The following PPP4R1 variants were observed in gnomAD, a reference collection of about 807,000 sequenced individuals.
The protein encoded by PPP4R1 is protein phosphatase 4 regulatory subunit 1.
PPP4R1 carries 42 observed loss-of-function variants against 111.2 expected under a neutral mutation model. That is an observed-to-expected ratio of 0.38 (90% CI 0.29 to 0.49). The LOEUF (loss-of-function observed/expected upper bound fraction) is 0.49, where lower values mean the gene tolerates loss of function less well. Ranked by LOEUF, PPP4R1 falls within the 20% of genes least tolerant of loss-of-function variation. The pLI is 0.97. For synonymous variants in PPP4R1, 409 were observed against 405.5 expected, an observed-to-expected ratio of 1.01 and a Z score of -0.10; for missense variants, 1,012 against 1,161.6, an observed-to-expected ratio of 0.87 and a Z score of 1.87.
intron 2 of PPP4R1, among the ~76,000 whole-genome samples, chr18:9,597,983 T>C (rs923473263): frequency 1.3e-5 from 2 of 151,820 alleles, no homozygotes; most frequent in Non-Finnish European, 2.9e-5. Flanking sequence ...AGAACAGAGA[T>C]GGAAGATGAT....
At chr18:9,610,613 C>G (rs1476805643) in intron 2 of PPP4R1, among the ~76,000 whole-genome samples, 3 of 149,600 alleles carry the variant, frequency 2.0e-5, no homozygotes, top group Non-Finnish European at 4.4e-5. Context: ...CAGGTGCACG[C>G]CACCACGCCC....
At chr18:9,573,953 G>C (rs1175649578) in intron 10 of PPP4R1, among the ~76,000 whole-genome samples, 1 of 152,076 alleles carries the variant, frequency 6.6e-6, no homozygotes, top group Non-Finnish European at 1.5e-5. Context: ...TTAAATTGTG[G>C]ACAGAACTAC....
intron 2 of PPP4R1, among the ~76,000 whole-genome samples, chr18:9,610,553 C>T (rs2067560199): frequency 6.6e-6 from 1 of 152,092 alleles, no homozygotes; most frequent in Non-Finnish European, 1.5e-5. Context: ...ACCTCTACCT[C>T]CTGGGTTCAA....
rs1458963199 is a variant in PPP4R1, at chr18:9,570,442, A to G, written c.1288T>C (p.Tyr430His). Residue 430 changes from tyrosine (Y) to histidine (H), a missense_variant, in exon 11 of 20, where the codon TAC becomes CAC. Physicochemically the swap from Tyr to His is moderately conservative, Grantham distance 83. Coordinates refer to ENST00000400556, the MANE Select transcript of PPP4R1 (RefSeq NM_001042388.3). ...SNENDKKPGNYKSMLRPEVGT... is the reference protein window; with the variant it reads ...SNENDKKPGNHKSMLRPEVGT... ...ACCTCTGGTCGTAACATAGATTTGTAGTTACCAGGTTTTTTATCATTCTCA... is the reference window on the plus strand; with the variant it reads ...ACCTCTGGTCGTAACATAGATTTGTGGTTACCAGGTTTTTTATCATTCTCA... The G allele has an allele frequency of 1.5e-5, 24 of 1,614,082 alleles. No individual in the cohort carries two copies. Among genetic ancestry groups the G allele is most frequent in the Non-Finnish European group, 1.9e-5 (22 of 1,180,014 alleles).
chr18:9,562,658 C>T lies in PPP4R1; in HGVS notation c.1747-583G>A, dbSNP rs369843822. On this transcript the variant is annotated intron_variant, in intron 12 of 19. Coordinates refer to ENST00000400556, the MANE Select transcript of PPP4R1 (RefSeq NM_001042388.3). ...TCCAACAGAAATCAAAACAGAAATG[C>T]ACTAAAGCTCTAAGAACCCTCCTGC... Among the ~76,000 whole-genome samples, 20 of 152,270 alleles carry T rather than the reference C, an allele frequency of 1.3e-4. No homozygotes were observed. The East Asian group carries it at 3.1e-3, about 23-fold the overall frequency.
At chr18:9,614,836 G>C (rs1194586539), upstream of PPP4R1, 1 of 149,782 alleles carries the variant, frequency 6.7e-6, no homozygotes, top group African/African-American at 2.4e-5. This position sits in a 1 kb window ranked among gnomAD's most constrained non-coding sequence, Gnocchi z 4.1. Flanking sequence ...CGCTGCGGAC[G>C]GGGGCGCGCA....
rs1247165928 is a variant in PPP4R1, at chr18:9,602,267, C to G, written c.53-7114G>C. Among the ~76,000 whole-genome samples, 3 of 150,292 alleles carry G rather than the reference C, an allele frequency of 2.0e-5. No homozygotes were observed. In the Admixed American group the frequency reaches 2.0e-4, roughly 10 times the overall value. On this transcript the variant is annotated intron_variant, in intron 2 of 19. Transcript: ENST00000400556. ...AAAGTTGTGGCCAGGCGCGGTGGCT[C>G]ACGCCTGTAATCCCAACACTTTGGG...
At chr18:9,571,579 T>C (rs934063289) in intron 10 of PPP4R1, among the ~76,000 whole-genome samples, 1 of 152,092 alleles carries the variant, frequency 6.6e-6, no homozygotes, top group African/African-American at 2.4e-5. Context: ...TAAGCACAGA[T>C]GCAAGCACAC....
intron 11 of PPP4R1, among the ~76,000 whole-genome samples, chr18:9,568,732 A>G (rs1210913205): frequency 2.6e-5 from 4 of 152,308 alleles, no homozygotes; most frequent in Middle Eastern, 3.4e-3. Flanking sequence ...TCATAAAAAT[A>G]TAGTTTAAGA....
intron 12 of PPP4R1, chr18:9,563,087 G>A: frequency 1.8e-6 from 2 of 1,086,060 alleles, no homozygotes; most frequent in Non-Finnish European, 2.2e-6. Context: ...TCTTGATAAA[G>A]GGCTTTGTTT....
At chr18:9,555,785 C>T (rs556649610) in intron 15 of PPP4R1, among the ~76,000 whole-genome samples, 70 of 152,260 alleles carry the variant, frequency 4.6e-4, no homozygotes, top group African/African-American at 1.4e-3. Flanking sequence ...TTAATATGCA[C>T]TTTAAGGGAT....
chr18:9,562,938 C>G (rs937954534), intron 12 of PPP4R1: 3 of 996,232 alleles, frequency 3.0e-6, no homozygotes, highest in Non-Finnish European at 3.6e-6. Flanking sequence ...ACTCCAGAGT[C>G]CAGATAATGT....
At chr18:9,571,907 A>G (rs1265094648) in intron 10 of PPP4R1, among the ~76,000 whole-genome samples, 1 of 152,230 alleles carries the variant, frequency 6.6e-6, no homozygotes, top group Non-Finnish European at 1.5e-5. Context: ...TTGTTTTAGA[A>G]AGACCATTCT....
Position 9,588,804 on chromosome 18 carries a change from C to T in PPP4R1, c.345G>A (p.Leu115=), listed in dbSNP as rs749353939. The change falls in exon 5 of 20, where the codon CTG becomes CTA. Residue 115 remains leucine (L), a synonymous_variant. Transcript: ENST00000400556. ...TTGAAGGCCGGTTTTCTTGACAAAA[C>T]AGTGCGATGTGAGGCACCTGTTCCA... is the stretch of plus-strand genomic sequence containing the variant. ...ELMEQVPHIA[L]FCQENRPSIP... is the part of the protein sequence containing the mutation. The T allele has an allele frequency of 2.0e-5, 33 of 1,614,000 alleles. No individual in the cohort carries two copies. Among genetic ancestry groups the T allele is most frequent in the Admixed American group, 5.0e-5 (3 of 59,990 alleles).
Position 9,546,864 on chromosome 18 carries a change from TATTGGTAGACA to T in PPP4R1, c.*914_*924del. 6.6e-6 allele frequency: 1 copy of T among 152,344 alleles called. No individual in the cohort carries two copies. Among genetic ancestry groups the T allele is most frequent in the East Asian group, 1.9e-4 (1 of 5,188 alleles). The allele number at this position is 152,344 out of a possible 1,614,324, so 9.4% of individuals were successfully genotyped here. A position where few individuals can be genotyped will look rare whatever the true frequency, so the allele number is the denominator to read the frequency against. On this transcript the variant is annotated 3_prime_UTR_variant, in exon 20 of 20. Coordinates refer to ENST00000400556, the MANE Select transcript of PPP4R1 (RefSeq NM_001042388.3). ...ATTAATACAGGTCACAAATTGCATT[TATTGGTAGACA>T]TCTAGAAAACAATCAAAAGTGTATA...
chr18:9,551,056 T>C (rs1046586320), intron 16 of PPP4R1: 1 of 152,268 alleles, frequency 6.6e-6, no homozygotes, highest in African/African-American at 2.4e-5. Flanking sequence ...TGAATATAGA[T>C]TATGCAGCAA....
At chr18:9,574,357 G>C (rs540648292) in intron 10 of PPP4R1, among the ~76,000 whole-genome samples, 40 of 152,284 alleles carry the variant, frequency 2.6e-4, no homozygotes, top group African/African-American at 8.9e-4. Context: ...ATGACTTGTA[G>C]AACATCTGGC....
At chr18:9,576,901 C>T (rs1264341113) in intron 10 of PPP4R1, among the ~76,000 whole-genome samples, 163 bp downstream of exon 10, 2 of 129,484 alleles carry the variant, frequency 1.5e-5, no homozygotes, top group African/African-American at 6.6e-5. Flanking sequence ...AACAAATGCG[C>T]TTAAAGTAAA....
chr18:9,573,696 G>A (rs1191147723), intron 10 of PPP4R1, among the ~76,000 whole-genome samples: 2 of 152,116 alleles, frequency 1.3e-5, no homozygotes, highest in Admixed American at 1.3e-4. Flanking sequence ...CTCCTGGGCT[G>A]AAGCGATCCT....
Sources: allele counts gnomAD v4.1 joint callset (sites outside exome capture counted in the v4.1 genomes callset), GRCh38; gene constraint gnomAD v4.1.1; non-coding constraint Gnocchi (gnomAD v3.1); transcripts MANE v1.5; gene names NCBI Gene and HGNC (gene_info 2026-07-23, HGNC 2026-07-21).